The following SEMA6D variants were observed in gnomAD, a reference collection of about 807,000 sequenced individuals.
SEMA6D encodes semaphorin-6D.
In SEMA6D, 35 loss-of-function variants were observed where a neutral mutation model predicts 106.6. The observed-to-expected ratio is 0.33, with a 90% CI of 0.25 to 0.44. SEMA6D has a LOEUF of 0.44. Among genes scored for constraint, SEMA6D ranks in the 20% least tolerant of loss-of-function variants. The pLI is 1.00. For missense variants in SEMA6D, 1,185 were observed against 1,345.9 expected (o/e 0.88, Z 1.87); for synonymous variants, 499 against 487.7 (o/e 1.02, Z -0.31).
At chr15:47,598,880 T>A (rs1201309443) in intron 3 of SEMA6D, among the ~76,000 whole-genome samples, 1 of 151,778 alleles carries the variant, frequency 6.6e-6, no homozygotes, top group East Asian at 1.9e-4. Context: ...TTTCTCAAAT[T>A]TAAATATTTA....
At chr15:47,234,770 CCATATCTTTG>C (rs2032433371) in intron 1 of SEMA6D, among the ~76,000 whole-genome samples, 1 of 152,052 alleles carries the variant, frequency 6.6e-6, no homozygotes, top group Admixed American at 6.6e-5. Context: ...TAGGTTGGCT[CCATATCTTTG>C]CAATTGTGAA....
At chr15:47,688,341 G>C (rs952426918) in intron 4 of SEMA6D, among the ~76,000 whole-genome samples, 1 of 152,090 alleles carries the variant, frequency 6.6e-6, no homozygotes, top group Non-Finnish European at 1.5e-5. Context: ...TGATGAGAAG[G>C]CTGAAAACCG....
chr15:47,506,599 AAC>A (rs61155774), intron 3 of SEMA6D, among the ~76,000 whole-genome samples: 2,846 of 137,392 alleles, frequency 0.021, 54 homozygotes, highest in African/African-American at 0.062. Flanking sequence ...CACACACACA[AAC>A]ACACACACAC....
chr15:47,336,422 T>C (rs1173526780), intron 1 of SEMA6D, among the ~76,000 whole-genome samples: 1 of 152,180 alleles, frequency 6.6e-6, no homozygotes, highest in Non-Finnish European at 1.5e-5. Flanking sequence ...TAATTATCTG[T>C]GGAGCTGTTA....
Position 47,192,945 on chromosome 15 carries a change from T to C in SEMA6D, c.-239+8527T>C, listed in dbSNP as rs191651859. On this transcript the variant is annotated intron_variant, in intron 1 of 19. Coordinates refer to the SEMA6D transcript ENST00000558014. ...ATCCACCAAATTTCATAGAATTAAC[T>C]GCTAAAAGACATGACAAATTAACTT... is the stretch of plus-strand genomic sequence containing the variant. Among the ~76,000 whole-genome samples, 135 of 152,344 alleles carry C rather than the reference T, an allele frequency of 8.9e-4. 2 individuals carry two copies. The highest frequency in any genetic ancestry group is 3.1e-3 in the African/African-American group (130 of 41,588).
At chr15:47,322,275 A>G (rs577793728) in intron 1 of SEMA6D, among the ~76,000 whole-genome samples, 2 of 147,832 alleles carry the variant, frequency 1.4e-5, no homozygotes, top group Non-Finnish European at 1.5e-5. Flanking sequence ...AGCGTTCACT[A>G]GTTATTTTTT....
At chr15:47,565,423 GCTCACACACT>G (rs2046202268) in intron 3 of SEMA6D, among the ~76,000 whole-genome samples, 1 of 152,164 alleles carries the variant, frequency 6.6e-6, no homozygotes, top group African/African-American at 2.4e-5. Context: ...CACTTCATTT[GCTCACACACT>G]CCCTCCCGTG....
At chr15:47,258,823 C>T (rs1415012926) in intron 1 of SEMA6D, among the ~76,000 whole-genome samples, 1 of 151,982 alleles carries the variant, frequency 6.6e-6, no homozygotes, top group Non-Finnish European at 1.5e-5. Context: ...TCTCTGGGGA[C>T]TCCTGACTAA....
intron 4 of SEMA6D, among the ~76,000 whole-genome samples, chr15:47,609,353 C>G (rs2143794942): frequency 6.6e-6 from 1 of 152,284 alleles, no homozygotes; most frequent in South Asian, 2.1e-4. Flanking sequence ...GGGCAGAATT[C>G]ACTAGTTTAT....
chr15:47,659,776 G>A (rs2077879602), intron 4 of SEMA6D, among the ~76,000 whole-genome samples: 1 of 151,926 alleles, frequency 6.6e-6, no homozygotes. Flanking sequence ...AAATATGAAT[G>A]GCTTCTAAAT....
At chr15:47,615,376 G>C (rs888661247) in intron 4 of SEMA6D, among the ~76,000 whole-genome samples, 5 of 152,038 alleles carry the variant, frequency 3.3e-5, no homozygotes, top group African/African-American at 1.2e-4. Context: ...TATCCACAGG[G>C]GTCCTTTAAC....
In SEMA6D at chr15:47,702,617, G is replaced by C. The variant is rs1018746367; in HGVS notation, c.-54-57128G>C. Among the ~76,000 whole-genome samples the C allele has an allele frequency of 7.9e-5, 12 of 152,300 alleles. No homozygotes were observed. The East Asian group carries it at 2.3e-3, about 29-fold the overall frequency. ...AATGGCCAAAACCTGGAAGCAACCAGAATGTCCTTCAGTAGGTGAATGGAT... is the reference window on the plus strand; with the variant it reads ...AATGGCCAAAACCTGGAAGCAACCACAATGTCCTTCAGTAGGTGAATGGAT... On this transcript the variant is annotated intron_variant, in intron 4 of 19. Coordinates refer to the SEMA6D transcript ENST00000558014.
chr15:47,762,153 G>T, intron 7 of SEMA6D, 47 bp from the exon 8 acceptor site: 1 of 1,611,268 alleles, frequency 6.2e-7, no homozygotes, highest in Non-Finnish European at 8.5e-7. Flanking sequence ...CTAACACACT[G>T]CAGGATAATT....
At chr15:47,558,226 G>T (rs745702844) in intron 3 of SEMA6D, among the ~76,000 whole-genome samples, 2 of 152,084 alleles carry the variant, frequency 1.3e-5, no homozygotes, top group Non-Finnish European at 2.9e-5. Flanking sequence ...TACAAACTGA[G>T]TGAAATTGGT....
rs575620875 is a variant in SEMA6D, at chr15:47,630,011, G to A, written c.-55+29115G>A. Among the ~76,000 whole-genome samples, 5 of 151,960 alleles carry A rather than the reference G, an allele frequency of 3.3e-5. No individual in the cohort carries two copies. In the East Asian group the frequency reaches 9.7e-4, roughly 29 times the overall value. On this transcript the variant is annotated intron_variant, in intron 4 of 19. Transcript: ENST00000558014. ...TTGGAAATAGTGCTGTGATAAGCAT[G>A]TGAGTACACCTATCATTTTGATATA...
At chr15:47,238,363 G>T (rs1050060090) in intron 1 of SEMA6D, among the ~76,000 whole-genome samples, 3 of 151,914 alleles carry the variant, frequency 2.0e-5, no homozygotes, top group East Asian at 1.9e-4. Flanking sequence ...ACATTGTAAG[G>T]CCCCATATTT....
intron 1 of SEMA6D, among the ~76,000 whole-genome samples, chr15:47,719,283 C>T (rs923519460): frequency 2.0e-5 from 3 of 152,054 alleles, no homozygotes; most frequent in Admixed American, 2.0e-4. Flanking sequence ...CCCTCAGCGC[C>T]GTCAGCTGGA....
intron 1 of SEMA6D, among the ~76,000 whole-genome samples, chr15:47,405,592 A>ACCTTG (rs2040537587): frequency 2.0e-5 from 3 of 152,204 alleles, no homozygotes; most frequent in Admixed American, 1.3e-4. Context: ...CCATAGCAAC[A>ACCTTG]AAATTAGTCC....
chr15:47,740,941 C>CA (rs1010163536), intron 1 of SEMA6D, among the ~76,000 whole-genome samples: 3 of 152,186 alleles, frequency 2.0e-5, no homozygotes. Flanking sequence ...TAGCTCCCTG[C>CA]ATGAATCTTC....
Sources: gnomAD v4.1 joint callset for allele counts (sites outside exome capture counted in the v4.1 genomes callset) on GRCh38, gnomAD v4.1.1 for gene constraint, MANE v1.5 for transcripts, NCBI Gene and HGNC (gene_info 2026-07-23, HGNC 2026-07-21) for gene names.